Variants in NBAS observed in about 807,000 individuals in gnomAD.
NBAS encodes the protein NAG/BC035112 fusion.
In NBAS, 219 loss-of-function variants were observed where a neutral mutation model predicts 302.5. That is an observed-to-expected ratio of 0.72 (90% CI 0.65 to 0.81). The LOEUF is 0.81. Among genes scored for constraint, NBAS ranks in the 30% least tolerant of loss-of-function variants. The pLI is 0.00. For synonymous variants in NBAS, 1,118 were observed against 1,021.6 expected, an observed-to-expected ratio of 1.09 and a Z score of -1.80; for missense variants, 2,932 against 2,841.6, an observed-to-expected ratio of 1.03 and a Z score of -0.72.
chr2:14,862,775 T>C, the NBAS span, among the ~76,000 whole-genome samples: 3 of 152,198 alleles, frequency 2.0e-5, no homozygotes, highest in Non-Finnish European at 4.4e-5. Context: ...GAATTCTAAG[T>C]GGCTTAAGCC....
the NBAS span, among the ~76,000 whole-genome samples, chr2:14,837,919 G>C: frequency 6.6e-6 from 1 of 151,644 alleles, no homozygotes; most frequent in African/African-American, 2.4e-5. Context: ...AAAATCATTT[G>C]CTTTTAATTG....
rs1389374398 is a variant in NBAS, at chr2:15,446,165, C to CTA, written c.2339+15034_2339+15035dup. On this transcript the variant is annotated intron_variant, in intron 21 of 51. Transcript: ENST00000281513. Reference sequence around the variant, plus strand: ...TGAAGAAATAATGACCATAAATTTCCTAAATTTGGTGAAACTCTGAAGTCC... The same window carrying CTA: ...TGAAGAAATAATGACCATAAATTTCCTATAAATTTGGTGAAACTCTGAAGTCC... Among the ~76,000 whole-genome samples, 3 of 151,800 alleles carry CTA rather than the reference C, an allele frequency of 2.0e-5. No individual in the cohort carries two copies. In the East Asian group the frequency reaches 5.8e-4, roughly 29 times the overall value.
chr2:15,275,964 T>C, intron 43 of NBAS, 146 bp from the exon 44 acceptor site: 2 of 736,124 alleles, frequency 2.7e-6, no homozygotes, highest in Admixed American at 2.6e-5. Context: ...TATTTTCTAT[T>C]AGAAAGATCA....
At chr2:15,474,867 C>T (rs1156591268) in intron 14 of NBAS, among the ~76,000 whole-genome samples, 1 of 152,120 alleles carries the variant, frequency 6.6e-6, no homozygotes, top group Admixed American at 6.6e-5. Context: ...AGCCTAAAGC[C>T]TGTTTTAATA....
chr2:15,298,454 G>A (rs1670649765), intron 40 of NBAS, among the ~76,000 whole-genome samples: 1 of 152,170 alleles, frequency 6.6e-6, no homozygotes, highest in African/African-American at 2.4e-5. Flanking sequence ...CCTCTGAGCT[G>A]TAAATTTTCC....
intron 48 of NBAS, among the ~76,000 whole-genome samples, chr2:15,209,291 C>G (rs373506570): frequency 6.6e-6 from 1 of 151,988 alleles, no homozygotes; most frequent in African/African-American, 2.4e-5. Context: ...GGTAATGAGA[C>G]AGAAGCCATA....
At chr2:14,945,903 A>T in the NBAS span, among the ~76,000 whole-genome samples, 1 of 152,322 alleles carries the variant, frequency 6.6e-6, no homozygotes, top group African/African-American at 2.4e-5. Context: ...CAACACAGTG[A>T]AACCCTGTCT....
At chr2:15,135,909 A>G in the NBAS span, among the ~76,000 whole-genome samples, 1 of 152,002 alleles carries the variant, frequency 6.6e-6, no homozygotes, top group East Asian at 1.9e-4. Flanking sequence ...AAATCTCATA[A>G]TATTTTAAGA....
chr2:15,434,134 T>A (rs555202471), intron 21 of NBAS, among the ~76,000 whole-genome samples: 175 of 151,658 alleles, frequency 1.2e-3, no homozygotes, highest in African/African-American at 3.9e-3. Flanking sequence ...AAAAAATAAA[T>A]TAAATTAATT....
chr2:14,945,119 G>A, the NBAS span, among the ~76,000 whole-genome samples: 1 of 152,196 alleles, frequency 6.6e-6, no homozygotes. Context: ...TTTATTCACA[G>A]GATCCCTGGG....
intron 24 of NBAS, among the ~76,000 whole-genome samples, chr2:15,416,970 C>T (rs1182933052): frequency 6.6e-6 from 1 of 152,120 alleles, no homozygotes; most frequent in Non-Finnish European, 1.5e-5. Flanking sequence ...AAGCAAAAGA[C>T]TAGAAAGAGC....
intron 35 of NBAS, among the ~76,000 whole-genome samples, chr2:15,346,836 A>G (rs1673113753): frequency 6.6e-6 from 1 of 152,198 alleles, no homozygotes; most frequent in East Asian, 1.9e-4. Flanking sequence ...AAGGTATGCA[A>G]TCATGACCTT....
intron 32 of NBAS, among the ~76,000 whole-genome samples, chr2:15,365,352 T>C (rs1674146578): frequency 6.6e-6 from 1 of 152,186 alleles, no homozygotes; most frequent in Admixed American, 6.6e-5. Context: ...CCTGGATCCT[T>C]ATGGAATATT....
intron 10 of NBAS, 72 bp downstream of exon 10, chr2:15,511,139 GA>G: frequency 6.4e-7 from 1 of 1,552,072 alleles, no homozygotes; most frequent in Non-Finnish European, 8.9e-7. Context: ...TCTTACAAAG[GA>G]CTTATTTGTC....
intron 51 of NBAS, among the ~76,000 whole-genome samples, chr2:15,177,114 T>A (rs140226742): frequency 6.6e-6 from 1 of 152,152 alleles, no homozygotes; most frequent in Non-Finnish European, 1.5e-5. Flanking sequence ...TCTTAGCAAT[T>A]TATACCTGTG....
At chr2:15,044,695 C>T in the NBAS span, among the ~76,000 whole-genome samples, 1 of 152,174 alleles carries the variant, frequency 6.6e-6, no homozygotes, top group Non-Finnish European at 1.5e-5. Context: ...ATGCTCTGCT[C>T]ACCTCACAGA....
chr2:15,270,204 CAG>C (rs766575246), intron 44 of NBAS, among the ~76,000 whole-genome samples: 1 of 152,078 alleles, frequency 6.6e-6, no homozygotes, highest in Non-Finnish European at 1.5e-5. Flanking sequence ...TTGTTTTAGA[CAG>C]AGTCTCTCTC....
At chr2:15,195,111 GAAAAT>G in intron 48 of NBAS, among the ~76,000 whole-genome samples, 1 of 152,058 alleles carries the variant, frequency 6.6e-6, no homozygotes, top group Non-Finnish European at 1.5e-5. Flanking sequence ...TAGCTCCAAA[GAAAAT>G]AAATTATTTA....
chr2:14,811,340 T>C, the NBAS span, among the ~76,000 whole-genome samples: 14 of 151,848 alleles, frequency 9.2e-5, no homozygotes, highest in Admixed American at 7.9e-4. Context: ...AGCCCAGGAG[T>C]TCAAGGCTGC....
Sources: allele counts gnomAD v4.1 joint callset (sites outside exome capture counted in the v4.1 genomes callset), GRCh38; gene constraint gnomAD v4.1.1; transcripts MANE v1.5; gene names NCBI Gene and HGNC (gene_info 2026-07-23, HGNC 2026-07-21).